BLTP3B: variants seen among roughly 807,000 people sequenced by gnomAD.
The protein encoded by BLTP3B is UHRF1 (ICBP90) binding protein 1-like.
At chr12:100,075,488 T>A in the BLTP3B span, among the ~76,000 whole-genome samples, 1 of 152,146 alleles carries the variant, frequency 6.6e-6, no homozygotes. Flanking sequence ...AATAGACAAG[T>A]GAGACCTCAT....
the BLTP3B span, among the ~76,000 whole-genome samples, chr12:100,135,762 C>T: frequency 5.3e-5 from 8 of 152,180 alleles, no homozygotes; most frequent in South Asian, 1.7e-3. Context: ...AAAACGTAAA[C>T]TCCACGAGGG....
At chr12:100,039,683 C>T in the BLTP3B span, 135 of 1,614,010 alleles carry the variant, frequency 8.4e-5, no homozygotes, top group Admixed American at 3.5e-4. Context: ...GAGTGGCTTG[C>T]GTGACACTGC....
the BLTP3B span, chr12:100,057,667 G>C: frequency 6.2e-7 from 1 of 1,612,600 alleles, no homozygotes; most frequent in Non-Finnish European, 8.5e-7. Context: ...AATGACATTT[G>C]TGAAGAGCTT....
chr12:100,111,856 G>T, the BLTP3B span, among the ~76,000 whole-genome samples: 2 of 151,942 alleles, frequency 1.3e-5, no homozygotes, highest in African/African-American at 4.8e-5. Context: ...CATCCACCTC[G>T]GCCTCCCAAA....
the BLTP3B span, among the ~76,000 whole-genome samples, chr12:100,047,293 T>C: frequency 6.6e-6 from 1 of 151,824 alleles, no homozygotes; most frequent in South Asian, 2.1e-4. Context: ...AAGTCAGGAG[T>C]TTGAGACCAG....
the BLTP3B span, chr12:100,060,189 T>C: frequency 5.0e-5 from 32 of 646,166 alleles, no homozygotes; most frequent in South Asian, 7.0e-5. Flanking sequence ...AAGTGATACA[T>C]TGGAATGATA....
the BLTP3B span, among the ~76,000 whole-genome samples, chr12:100,130,957 T>C: frequency 2.0e-4 from 21 of 102,960 alleles, no homozygotes; most frequent in African/African-American, 6.2e-4. Context: ...TACATATATA[T>C]ATATAGAGAG....
the BLTP3B span, chr12:100,051,369 T>G: frequency 3.4e-6 from 2 of 595,480 alleles, no homozygotes; most frequent in East Asian, 6.2e-5. Flanking sequence ...AAAATTAGAT[T>G]GTAATTAGTT....
At chr12:100,123,520 A>G in the BLTP3B span, among the ~76,000 whole-genome samples, 1 of 152,136 alleles carries the variant, frequency 6.6e-6, no homozygotes, top group Admixed American at 6.5e-5. Flanking sequence ...GACACTGTCT[A>G]TCTGGAGATG....
chr12:100,064,715 G>C, the BLTP3B span, among the ~76,000 whole-genome samples: 1 of 151,950 alleles, frequency 6.6e-6, no homozygotes, highest in South Asian at 2.1e-4. Flanking sequence ...TAAAGATACA[G>C]TGTTTTTCAG....
the BLTP3B span, among the ~76,000 whole-genome samples, chr12:100,042,524 G>A: frequency 6.6e-6 from 1 of 152,142 alleles, no homozygotes; most frequent in African/African-American, 2.4e-5. Context: ...TTGAGTTAAA[G>A]AGCTAAATTT....
At chr12:100,063,726 A>C in the BLTP3B span, among the ~76,000 whole-genome samples, 1 of 151,864 alleles carries the variant, frequency 6.6e-6, no homozygotes, top group East Asian at 1.9e-4. Flanking sequence ...AAAAAAGGAA[A>C]AGAAAAAAAG....
At chr12:100,066,285 T>C in the BLTP3B span, among the ~76,000 whole-genome samples, 1 of 152,104 alleles carries the variant, frequency 6.6e-6, no homozygotes, top group Non-Finnish European at 1.5e-5. Flanking sequence ...AGAGGGACAT[T>C]ATACAATGAT....
the BLTP3B span, among the ~76,000 whole-genome samples, chr12:100,075,239 T>C: frequency 3.9e-5 from 6 of 152,126 alleles, no homozygotes; most frequent in Non-Finnish European, 8.8e-5. Flanking sequence ...CTCGAACTCC[T>C]GACCTCGTGA....
the BLTP3B span, among the ~76,000 whole-genome samples, chr12:100,041,197 C>G: frequency 1.5e-3 from 234 of 152,242 alleles, 1 homozygote; most frequent in African/African-American, 5.2e-3. Context: ...GAATAAAAGG[C>G]AAAAGCCACA....
the BLTP3B span, among the ~76,000 whole-genome samples, chr12:100,060,448 G>A: frequency 2.6e-5 from 4 of 152,072 alleles, no homozygotes; most frequent in Non-Finnish European, 4.4e-5. Context: ...AGTGGTCCTC[G>A]ATCACATATT....
At chr12:100,079,035 G>A in the BLTP3B span, among the ~76,000 whole-genome samples, 1 of 152,162 alleles carries the variant, frequency 6.6e-6, no homozygotes, top group Admixed American at 6.5e-5. Context: ...CTGCTGCCAT[G>A]GTTGTGACTT....
At chr12:100,047,721 T>C in the BLTP3B span, 2 of 1,150,000 alleles carry the variant, frequency 1.7e-6, no homozygotes, top group Non-Finnish European at 2.6e-6. Context: ...TGTATCTTTA[T>C]ATGTTTCAGC....
At chr12:100,114,592 G>C in the BLTP3B span, among the ~76,000 whole-genome samples, 2 of 152,128 alleles carry the variant, frequency 1.3e-5, no homozygotes, top group African/African-American at 4.8e-5. Context: ...GAATTTAACA[G>C]CTTCTGTTTG....
Sources: allele counts gnomAD v4.1 joint callset (sites outside exome capture counted in the v4.1 genomes callset), GRCh38; gene constraint gnomAD v4.1.1; transcripts MANE v1.5; gene names NCBI Gene and HGNC (gene_info 2026-07-23, HGNC 2026-07-21).